The following ZNF197 variants were observed in gnomAD, a reference collection of about 807,000 sequenced individuals.
ZNF197 encodes the protein VHL-associated KRAB-A domain-containing protein.
ZNF197 carries 14 observed loss-of-function variants against 27.4 expected under a neutral mutation model. The ratio of observed to expected loss-of-function variants is 0.51; its 90% CI spans 0.34 to 0.80. The LOEUF is 0.80. Ranked by LOEUF, ZNF197 falls within the 30% of genes least tolerant of loss-of-function variation. The pLI, the probability that ZNF197 is intolerant of heterozygous loss-of-function variation, is 0.02. For missense variants in ZNF197, 1,090 were observed against 1,222.6 expected, an observed-to-expected ratio of 0.89 and a Z score of 1.62; for synonymous variants, 415 against 420.0, an observed-to-expected ratio of 0.99 and a Z score of 0.15.
Position 44,632,136 on chromosome 3 carries a change from C to G in ZNF197, c.582C>G (p.Ser194=). ...DSPAPEASAL[S]QEENPRNQLM... is the part of the protein sequence containing the mutation. Reference sequence around the variant, plus strand: ...CTGCCCCTGAAGCTTCTGCCCTTTCCCAGGAAGAGAACCCAAGAAATCAAT... The same window carrying G: ...CTGCCCCTGAAGCTTCTGCCCTTTCGCAGGAAGAGAACCCAAGAAATCAAT... Residue 194 remains serine (S), a synonymous_variant, in exon 4 of 6, where the codon TCC becomes TCG. Transcript: ENST00000344387. 6.2e-7 allele frequency: 1 copy of G among 1,614,116 alleles called. No individual in the cohort carries two copies. The highest frequency in any genetic ancestry group is 8.5e-7 in the Non-Finnish European group (1 of 1,180,012).
In ZNF197 at chr3:44,648,323, A is replaced by T. The variant is rs1234363796; in HGVS notation, c.*4103A>T. The T allele has an allele frequency of 6.6e-6, 1 of 152,246 alleles. No homozygotes were observed. The highest frequency in any genetic ancestry group is 1.5e-5 in the Non-Finnish European group (1 of 68,048). 9.4% of individuals were successfully genotyped at this position (152,246 alleles called of 1,614,324 possible). A position where few individuals can be genotyped will look rare whatever the true frequency, so the allele number is the denominator to read the frequency against. Reference sequence around the variant, plus strand: ...TCTGATGTTTACAACTTTCAAAAAAATGATTTTAAATATGTATTGAGAGAT... The same window carrying T: ...TCTGATGTTTACAACTTTCAAAAAATTGATTTTAAATATGTATTGAGAGAT... On this transcript the variant is annotated 3_prime_UTR_variant, in exon 6 of 6. Transcript: ENST00000344387.
chr3:44,632,206 G>A lies in ZNF197; in HGVS notation c.642+10G>A. The A allele has an allele frequency of 6.2e-7, 1 of 1,613,822 alleles. No homozygotes were observed. The highest frequency in any genetic ancestry group is 8.5e-7 in the Non-Finnish European group (1 of 1,179,740). ...AACAGCCCAGCCCCAGGTAAGGTTTGCATCCTCTTTCCTTCCCATCTGCAC... is the reference window on the plus strand; with the variant it reads ...AACAGCCCAGCCCCAGGTAAGGTTTACATCCTCTTTCCTTCCCATCTGCAC... On this transcript the variant is annotated intron_variant, in intron 4 of 5. Transcript: ENST00000344387.
In ZNF197 at chr3:44,643,087, A is replaced by C. The variant is rs781006613; in HGVS notation, c.1957A>C (p.Asn653His). 3.2e-5 allele frequency: 52 copies of C among 1,612,852 alleles called. No homozygotes were observed. Among genetic ancestry groups the C allele is most frequent in the Non-Finnish European group, 4.1e-5 (48 of 1,179,708 alleles). Residue 653 changes from asparagine to histidine, a missense_variant, in exon 6 of 6, where the codon AAT (asparagine) becomes CAT (histidine). Asn to His is a moderately conservative substitution (Grantham distance 68). Coordinates refer to ENST00000344387, the MANE Select transcript of ZNF197 (RefSeq NM_006991.5). Reference sequence around the variant, plus strand: ...CAATGGGGAGAAGCCCTATGAATGTAATGAATGTGGGAAAGTTTTTATTCT... The same window carrying C: ...CAATGGGGAGAAGCCCTATGAATGTCATGAATGTGGGAAAGTTTTTATTCT... Reference protein sequence around the residue: ...LHNGEKPYECNECGKVFILKK... With the variant: ...LHNGEKPYECHECGKVFILKK...
At chr3:44,627,656 C>A (rs759714676) in intron 1 of ZNF197, among the ~76,000 whole-genome samples, 3 of 152,014 alleles carry the variant, frequency 2.0e-5, no homozygotes, top group African/African-American at 7.2e-5. Flanking sequence ...CATTGCGAAA[C>A]CCCGTCTCTA....
intron 5 of ZNF197, among the ~76,000 whole-genome samples, chr3:44,636,688 T>C (rs1441404200): frequency 6.6e-6 from 1 of 152,198 alleles, no homozygotes; most frequent in Non-Finnish European, 1.5e-5. Context: ...TTGTGTATAA[T>C]TTTTTGTGTG....
intron 5 of ZNF197, among the ~76,000 whole-genome samples, chr3:44,635,883 C>T (rs1383135469): frequency 6.6e-6 from 1 of 152,120 alleles, no homozygotes; most frequent in East Asian, 1.9e-4. Flanking sequence ...GTTCCTCCAC[C>T]AGGAAGGAAA....
In ZNF197 at chr3:44,642,114, A is replaced by G; in HGVS notation, c.984A>G (p.Glu328=). The change falls in exon 6 of 6, where the codon GAA becomes GAG. Residue 328 remains glutamate (E), a synonymous_variant. Transcript: ENST00000344387. ...CAGTGAAGAAAGTTTCCCTTTGTGA[A>G]CGAGACAAGAAGAAAAGGACTCCAC... ...ADTVKKVSLC[E]RDKKKRTPPE... 2 of 1,614,072 alleles carry G rather than the reference A, an allele frequency of 1.2e-6. No individual in the cohort carries two copies. Among genetic ancestry groups the G allele is most frequent in the Non-Finnish European group, 1.7e-6 (2 of 1,179,982 alleles).
chr3:44,643,284 C>T lies in ZNF197; in HGVS notation c.2154C>T (p.Ser718=), dbSNP rs1204438724. 6.2e-7 allele frequency: 1 copy of T among 1,613,818 alleles called. No individual in the cohort carries two copies. Among genetic ancestry groups the T allele is most frequent in the Non-Finnish European group, 8.5e-7 (1 of 1,179,960 alleles). Reference sequence around the variant, plus strand: ...AGTGTGGGAAAACCTTTATTATGAGCAAAAGTTTTATGGTCCATCAGAAAC... The same window carrying T: ...AGTGTGGGAAAACCTTTATTATGAGTAAAAGTTTTATGGTCCATCAGAAAC... The part of the protein sequence containing the change: ...CRECGKTFIM[S]KSFMVHQKLH... The change falls in exon 6 of 6, where the codon AGC becomes AGT. Residue 718 remains serine, a synonymous_variant. Coordinates refer to ENST00000344387, the MANE Select transcript of ZNF197 (RefSeq NM_006991.5).
At chr3:44,632,239 CTG>C (rs1702055445) in intron 4 of ZNF197, 43 bp downstream of exon 4, 2 of 1,605,154 alleles carry the variant, frequency 1.2e-6, no homozygotes, top group East Asian at 2.2e-5. Flanking sequence ...CACAGCGTAA[CTG>C]TGGCTGAAGT....
At position 44,642,071 on chromosome 3, in the gene ZNF197, C is replaced by T; in HGVS notation, c.941C>T (p.Thr314Ile). The change falls in exon 6 of 6, where the codon ACA becomes ATA. Residue 314 changes from threonine (T) to isoleucine (I), a missense_variant. Physicochemically the swap from Thr to Ile is moderately conservative, Grantham distance 89 (BLOSUM62 -1). Coordinates refer to ENST00000344387, the MANE Select transcript of ZNF197 (RefSeq NM_006991.5). Reference protein sequence around the residue: ...QVLASQWGNETDERADTVKKV... With the variant: ...QVLASQWGNEIDERADTVKKV... ...TTGGCAAGTCAGTGGGGAAATGAAACAGATGAAAGGGCAGATACAGTGAAG... is the reference window on the plus strand; with the variant it reads ...TTGGCAAGTCAGTGGGGAAATGAAATAGATGAAAGGGCAGATACAGTGAAG... 1.2e-6 allele frequency: 2 copies of T among 1,614,044 alleles called. No homozygotes were observed. Among genetic ancestry groups the T allele is most frequent in the South Asian group, 2.2e-5 (2 of 91,072 alleles).
chr3:44,641,796 A>T, intron 5 of ZNF197, 104 bp from the exon 6 acceptor site: 1 of 1,315,658 alleles, frequency 7.6e-7, no homozygotes. Flanking sequence ...TTTTGTATGC[A>T]TATTAAAGTG....
At position 44,643,580 on chromosome 3, in the gene ZNF197, CTT is replaced by C; in HGVS notation, c.2451_2452del (p.Tyr818Ter). 1 of 1,614,174 alleles carries C rather than the reference CTT, an allele frequency of 6.2e-7. No homozygotes were observed. The highest frequency in any genetic ancestry group is 1.1e-5 in the South Asian group (1 of 91,086). On this transcript the variant is annotated frameshift_variant, in exon 6 of 6. Transcript: ENST00000344387. LOFTEE classifies it low-confidence loss of function (END_TRUNC). ...CAGAGAATTCACACGAGGGAAAAATCTTATAAATGCAATGACTGTGGGAAGGT... is the reference window on the plus strand; with the variant it reads ...CAGAGAATTCACACGAGGGAAAAATCATAAATGCAATGACTGTGGGAAGGT...
chr3:44,644,551 T>G lies in ZNF197; in HGVS notation c.*331T>G. 1 of 891,012 alleles carries G rather than the reference T, an allele frequency of 1.1e-6. No homozygotes were observed. The highest frequency in any genetic ancestry group is 1.4e-6 in the Non-Finnish European group (1 of 738,676). The allele number at this position is 891,012 out of a possible 1,614,324, so 55.2% of individuals were successfully genotyped here. ...TACTCAGGAGGCTGAGACAGGAGAG[T>G]CGCTTGAACCTGGGAGGGCGGAGGT... On this transcript the variant is annotated 3_prime_UTR_variant, in exon 6 of 6. Transcript: ENST00000344387.
Position 44,644,747 on chromosome 3 carries a change from C to T in ZNF197, c.*527C>T. The T allele has an allele frequency of 1.0e-6, 1 of 985,710 alleles. No homozygotes were observed. Among genetic ancestry groups the T allele is most frequent in the Non-Finnish European group, 1.2e-6 (1 of 830,182 alleles). The allele number at this position is 985,710 out of a possible 1,614,324, so 61.1% of individuals were successfully genotyped here. A position where few individuals can be genotyped will look rare whatever the true frequency, so the allele number is the denominator to read the frequency against. On this transcript the variant is annotated 3_prime_UTR_variant, in exon 6 of 6. Coordinates refer to ENST00000344387, the MANE Select transcript of ZNF197 (RefSeq NM_006991.5). ...ATAAAAAGTAGACATGGGCTGGGTG[C>T]AGTGGCTCACTCCTGTAGTCCCAGG...
chr3:44,626,111 TTA>T (rs1413493428), intron 1 of ZNF197, among the ~76,000 whole-genome samples: 4 of 152,244 alleles, frequency 2.6e-5, no homozygotes, highest in African/African-American at 9.6e-5. Flanking sequence ...TTTGTTATTT[TTA>T]TGTTATTTGA....
chr3:44,632,451 T>TCA, intron 4 of ZNF197, 22 bp from the exon 5 acceptor site: 1 of 1,565,276 alleles, frequency 6.4e-7, no homozygotes, highest in South Asian at 1.2e-5. Flanking sequence ...ATTGGTAATC[T>TCA]CACACACACT....
chr3:44,635,832 G>A (rs1234438502), intron 5 of ZNF197, among the ~76,000 whole-genome samples: 4 of 152,314 alleles, frequency 2.6e-5, no homozygotes, highest in Non-Finnish European at 4.4e-5. Flanking sequence ...GGGAATGATG[G>A]AAGGATTGGG....
intron 2 of ZNF197, 56 bp from the exon 3 acceptor site, chr3:44,631,006 G>A: frequency 7.4e-6 from 12 of 1,611,578 alleles, no homozygotes; most frequent in African/African-American, 1.3e-5. Flanking sequence ...ACAGTGCTTA[G>A]GTGAGTCCAT....
At chr3:44,625,771 CACA>C (rs2125787696) in intron 1 of ZNF197, among the ~76,000 whole-genome samples, 1 of 152,226 alleles carries the variant, frequency 6.6e-6, no homozygotes, top group East Asian at 1.9e-4. Context: ...CACACACACA[CACA>C]CACACACACA....
Sources: gnomAD v4.1 joint callset for allele counts (sites outside exome capture counted in the v4.1 genomes callset) on GRCh38, gnomAD v4.1.1 for gene constraint, MANE v1.5 for transcripts, NCBI Gene and HGNC (gene_info 2026-07-23, HGNC 2026-07-21) for gene names.